Variants in SLC4A4 observed in about 807,000 individuals in gnomAD.
The protein encoded by SLC4A4 is solute carrier family 4 member 4, also known as electrogenic sodium bicarbonate cotransporter 1.
A neutral mutation model predicts 111.5 loss-of-function variants in SLC4A4; 27 were observed. The ratio of observed to expected loss-of-function variants is 0.24; its 90% CI spans 0.18 to 0.33. The LOEUF is 0.33. SLC4A4 is among the 10% of genes least tolerant of loss of function. SLC4A4 has a pLI of 1.00. For missense variants in SLC4A4, 909 were observed against 1,315.5 expected (o/e 0.69, Z 4.78); for synonymous variants, 443 against 463.4 (o/e 0.96, Z 0.57).
chr4:71,552,275 T>C (rs72854424), intron 20 of SLC4A4, among the ~76,000 whole-genome samples: 2,435 of 151,946 alleles, frequency 0.016, 81 homozygotes, highest in African/African-American at 0.056. Context: ...AGGGCCAGAA[T>C]TTGAAACTAG....
intron 10 of SLC4A4, 99 bp from the exon 11 acceptor site, chr4:71,451,089 G>T (rs1418391174): frequency 2.5e-6 from 2 of 797,952 alleles, no homozygotes; most frequent in African/African-American, 1.7e-5. Flanking sequence ...CACCTTAAGG[G>T]TTTTCACTCC....
chr4:71,402,241 C>T (rs926735462), intron 7 of SLC4A4, among the ~76,000 whole-genome samples: 3 of 152,112 alleles, frequency 2.0e-5, no homozygotes, highest in African/African-American at 7.2e-5. Flanking sequence ...AAGGAAACAT[C>T]CTGTGATTAT....
At chr4:71,295,668 CT>C (rs964885304) in intron 3 of SLC4A4, among the ~76,000 whole-genome samples, 1 of 148,214 alleles carries the variant, frequency 6.7e-6, no homozygotes, top group Non-Finnish European at 1.5e-5. Context: ...TTCTTTCTTT[CT>C]TTTTTTTTAC....
chr4:71,385,891 T>C (rs983583507), intron 6 of SLC4A4, among the ~76,000 whole-genome samples: 10 of 152,210 alleles, frequency 6.6e-5, no homozygotes, highest in African/African-American at 1.4e-4. Flanking sequence ...GCATTGACTT[T>C]CATTGTCATC....
At chr4:71,290,344 A>T (rs1366631393) in intron 3 of SLC4A4, among the ~76,000 whole-genome samples, 1 of 152,178 alleles carries the variant, frequency 6.6e-6, no homozygotes, top group Non-Finnish European at 1.5e-5. Context: ...GAGGCAGGCA[A>T]AAAGTATAGT....
intron 2 of SLC4A4, among the ~76,000 whole-genome samples, chr4:71,098,745 G>C (rs1197670490): frequency 1.3e-5 from 2 of 152,004 alleles, no homozygotes; most frequent in African/African-American, 4.8e-5. Context: ...ACAACTATAG[G>C]TTCAAAATAA....
At chr4:71,285,055 AAGAGCTGGGCAGAGTCTC>A (rs1723802929) in intron 3 of SLC4A4, among the ~76,000 whole-genome samples, 2 of 152,104 alleles carry the variant, frequency 1.3e-5, no homozygotes, top group African/African-American at 4.8e-5. Context: ...GCAGCTCTTG[AAGAGCTGGGCAGAGTCTC>A]AGTAGTCTCA....
chr4:71,303,180 A>C (rs1725403336), intron 3 of SLC4A4, among the ~76,000 whole-genome samples: 3 of 152,194 alleles, frequency 2.0e-5, no homozygotes, highest in Admixed American at 1.3e-4. Context: ...ACAGATACAA[A>C]TCTGAGGATT....
intron 2 of SLC4A4, among the ~76,000 whole-genome samples, chr4:71,125,068 T>G (rs1044454275): frequency 1.3e-5 from 2 of 152,244 alleles, no homozygotes; most frequent in Non-Finnish European, 2.9e-5. Flanking sequence ...TACTGCATTT[T>G]TTTTGGATTA....
At chr4:71,420,486 C>T (rs796114898) in intron 7 of SLC4A4, among the ~76,000 whole-genome samples, 12 of 151,678 alleles carry the variant, frequency 7.9e-5, no homozygotes, top group South Asian at 2.1e-4. Flanking sequence ...ATACAGAGAA[C>T]GCCACAAAGA....
chr4:71,170,467 T>C (rs1226277789), intron 2 of SLC4A4, among the ~76,000 whole-genome samples: 2 of 152,222 alleles, frequency 1.3e-5, no homozygotes, highest in Non-Finnish European at 2.9e-5. Context: ...AAGATGACTT[T>C]TACATGACTA....
chr4:71,095,103 A>T (rs1348380998), intron 2 of SLC4A4, among the ~76,000 whole-genome samples: 2 of 152,240 alleles, frequency 1.3e-5, no homozygotes, highest in Non-Finnish European at 2.9e-5. Flanking sequence ...ATGTTGAAAA[A>T]GGATTCTAAA....
chr4:71,248,423 G>A (rs2149052061), intron 2 of SLC4A4, among the ~76,000 whole-genome samples: 1 of 150,076 alleles, frequency 6.7e-6, no homozygotes, highest in South Asian at 2.1e-4. Flanking sequence ...TATTTGTATA[G>A]GTAAATTTAT....
chr4:71,527,957 A>G (rs962708976), intron 16 of SLC4A4, among the ~76,000 whole-genome samples: 5 of 152,084 alleles, frequency 3.3e-5, no homozygotes, highest in Non-Finnish European at 7.4e-5. Flanking sequence ...GAACACTGCA[A>G]TCTCAAGAGT....
chr4:71,205,125 A>G (rs773719392), intron 1 of SLC4A4, among the ~76,000 whole-genome samples: 64 of 152,172 alleles, frequency 4.2e-4, no homozygotes, highest in Non-Finnish European at 7.2e-4. Flanking sequence ...TTGTGTTGCC[A>G]GCGTCAGAAT....
chr4:71,490,062 A>G (rs556371516), intron 15 of SLC4A4, among the ~76,000 whole-genome samples: 88 of 151,858 alleles, frequency 5.8e-4, no homozygotes, highest in Non-Finnish European at 1.0e-3. Flanking sequence ...TGGTGTCTTT[A>G]TTTCTTCTCA....
rs992566910 is a variant in SLC4A4, at chr4:71,521,976, T to C, written c.2167-10086T>C. On this transcript the variant is annotated intron_variant, in intron 16 of 25. Coordinates refer to ENST00000264485, the MANE Select transcript of SLC4A4 (RefSeq NM_001098484.3). ...CAATGACCCAGTCTCTTTCCATACC[T>C]CACGGAGCCACTAGCAATCCCTCAG... is the stretch of plus-strand genomic sequence containing the variant. Among the ~76,000 whole-genome samples the C allele has an allele frequency of 1.8e-4, 27 of 152,118 alleles. 1 individual carries two copies. The highest frequency in any genetic ancestry group is 6.5e-4 in the African/African-American group (27 of 41,418).
chr4:71,262,435 C>T (rs1353857762), intron 3 of SLC4A4, among the ~76,000 whole-genome samples: 1 of 152,164 alleles, frequency 6.6e-6, no homozygotes, highest in Admixed American at 6.5e-5. Flanking sequence ...TCTTACTTGA[C>T]TTTTCATCAC....
At position 71,492,009 on chromosome 4, in the gene SLC4A4, G is replaced by T. The variant is rs191079606; in HGVS notation, c.1974+4991G>T. 7.3e-5 allele frequency among the ~76,000 whole-genome samples: 11 copies of T among 150,932 alleles called. No individual in the cohort carries two copies. In the East Asian group the frequency reaches 2.0e-3, roughly 27 times the overall value. ...GAGATGCTGTTAATCATGGGACTAA[G>T]AACCTTCATGATGATTCTAGGAATT... On this transcript the variant is annotated intron_variant, in intron 15 of 25. Coordinates refer to ENST00000264485, the MANE Select transcript of SLC4A4 (RefSeq NM_001098484.3).
Sources: allele counts gnomAD v4.1 joint callset (sites outside exome capture counted in the v4.1 genomes callset), GRCh38; gene constraint gnomAD v4.1.1; transcripts MANE v1.5; gene names NCBI Gene and HGNC (gene_info 2026-07-23, HGNC 2026-07-21).